Variants in ZNF536 observed in about 807,000 individuals in gnomAD.
ZNF536 encodes the protein zinc finger protein 536.
ZNF536 carries 13 observed loss-of-function variants against 84.5 expected under a neutral mutation model. That is an observed-to-expected ratio of 0.15 (90% CI 0.10 to 0.24). The LOEUF (loss-of-function observed/expected upper bound fraction) is 0.24. ZNF536 is among the 10% of genes least tolerant of loss of function. The probability of loss-of-function intolerance (pLI) is 1.00; values close to 1 mark genes in which losing one functional copy is unlikely to be tolerated. For synonymous variants in ZNF536, 811 were observed against 742.5 expected (o/e 1.09, Z -1.50); for missense variants, 1,536 against 1,747.5 (o/e 0.88, Z 2.16).
At chr19:30,462,368 G>A (rs987705900) in intron 2 of ZNF536, among the ~76,000 whole-genome samples, 8 of 152,032 alleles carry the variant, frequency 5.3e-5, no homozygotes, top group African/African-American at 1.7e-4. Context: ...ATATATTGGT[G>A]GGTGTGCTTG....
chr19:30,651,657 G>T (rs2049711899), intron 1 of ZNF536, among the ~76,000 whole-genome samples: 1 of 152,272 alleles, frequency 6.6e-6, no homozygotes, highest in South Asian at 2.1e-4. Context: ...TTTCTGTAAA[G>T]ATGCCATATT....
At chr19:30,268,950 G>A (rs2025669418) in intron 1 of ZNF536, among the ~76,000 whole-genome samples, 1 of 152,188 alleles carries the variant, frequency 6.6e-6, no homozygotes, top group Non-Finnish European at 1.5e-5. Flanking sequence ...ATGGTTCTAA[G>A]TCAAGTAGTT....
chr19:30,228,994 C>T lies in ZNF536; in HGVS notation c.-190+321C>T, dbSNP rs1195897060. Reference sequence around the variant, plus strand: ...CTTGCCTGGGTCGGGGGCGGGCAGTCGGTCCCAGTGGCCGCCGCTGAGGGC... The same window carrying T: ...CTTGCCTGGGTCGGGGGCGGGCAGTTGGTCCCAGTGGCCGCCGCTGAGGGC... On this transcript the variant is annotated intron_variant, in intron 1 of 5. Transcript: ENST00000585628. This position sits in a 1 kb window ranked among gnomAD's most constrained non-coding sequence, Gnocchi z 4.5. Among the ~76,000 whole-genome samples, 3 of 152,044 alleles carry T rather than the reference C, an allele frequency of 2.0e-5. No individual in the cohort carries two copies. The highest frequency in any genetic ancestry group is 2.9e-5 in the Non-Finnish European group (2 of 67,968).
intron 1 of ZNF536, among the ~76,000 whole-genome samples, chr19:30,607,216 G>T (rs2047932386): frequency 6.6e-6 from 1 of 152,184 alleles, no homozygotes; most frequent in Non-Finnish European, 1.5e-5. Context: ...GTTTATGGCT[G>T]AGTGTGGCTG....
intron 1 of ZNF536, among the ~76,000 whole-genome samples, chr19:30,280,237 C>T (rs1332821824): frequency 6.6e-6 from 1 of 152,088 alleles, no homozygotes. Flanking sequence ...CAGACCCTCT[C>T]TTTCCTCCTG....
intron 1 of ZNF536, among the ~76,000 whole-genome samples, chr19:30,610,750 CAG>C (rs1015059598): frequency 1.1e-4 from 17 of 152,112 alleles, no homozygotes; most frequent in African/African-American, 3.6e-4. Context: ...GTCATTGCTG[CAG>C]AGTGTGTGTG....
rs1229301019 is a variant in ZNF536, at chr19:30,415,250, C to T, written c.-2-28311C>T. On this transcript the variant is annotated intron_variant, in intron 1 of 4. Coordinates refer to ENST00000355537, the MANE Select transcript of ZNF536 (RefSeq NM_014717.3). ...TTCTCCCTCCCCCTCCTCCTCTTCT[C>T]CCTCCCCCTTCTCCTCCTCCTGCTC... Among the ~76,000 whole-genome samples, 4 of 93,060 alleles carry T rather than the reference C, an allele frequency of 4.3e-5. No homozygotes were observed. In the East Asian group the frequency reaches 1.2e-3, roughly 27 times the overall value. The allele number at this position is 93,060 out of a possible 152,430, so 61.1% of individuals were successfully genotyped here.
intron 1 of ZNF536, among the ~76,000 whole-genome samples, chr19:30,383,763 CTTTCTTTCT>C (rs2049154936): frequency 1.2e-5 from 1 of 83,278 alleles, no homozygotes; most frequent in African/African-American, 3.6e-5. Context: ...CTTTCTCTTT[CTTTCTTTCT>C]TTTCTTTCTT....
intron 1 of ZNF536, among the ~76,000 whole-genome samples, chr19:30,380,852 T>C (rs191090882): frequency 0.013 from 1,942 of 152,246 alleles, 25 homozygotes; most frequent in South Asian, 0.046. Context: ...AATTTATTTA[T>C]CTAAATTTAT....
chr19:30,455,195 G>T (rs1187978328), intron 2 of ZNF536, among the ~76,000 whole-genome samples: 1 of 151,902 alleles, frequency 6.6e-6, no homozygotes, highest in Non-Finnish European at 1.5e-5. Context: ...ACATTTAAGA[G>T]ATACAGATAA....
chr19:30,320,462 T>G (rs1364405311), intron 2 of ZNF536, among the ~76,000 whole-genome samples: 2 of 152,192 alleles, frequency 1.3e-5, no homozygotes, highest in East Asian at 1.9e-4. Context: ...TTTGAGCAAA[T>G]TAGACTTCCT....
chr19:30,528,135 G>A (rs912256687), intron 2 of ZNF536, among the ~76,000 whole-genome samples: 4 of 152,204 alleles, frequency 2.6e-5, no homozygotes, highest in East Asian at 1.9e-4. Context: ...CGTAGTAAGC[G>A]CCAGGGTGTT....
At chr19:30,624,778 A>T (rs1451782808) in intron 1 of ZNF536, among the ~76,000 whole-genome samples, 2 of 152,086 alleles carry the variant, frequency 1.3e-5, no homozygotes, top group Non-Finnish European at 2.9e-5. Context: ...AATTCCTATA[A>T]TCTCTACATG....
chr19:30,354,990 C>A (rs991166738), intron 3 of ZNF536, among the ~76,000 whole-genome samples: 1 of 152,194 alleles, frequency 6.6e-6, no homozygotes, highest in African/African-American at 2.4e-5. Flanking sequence ...TTCATCAATG[C>A]CCTCCCGATT....
intron 2 of ZNF536, among the ~76,000 whole-genome samples, chr19:30,287,602 A>ATGGGTGGATGGATGGG (rs1314003922): frequency 8.5e-6 from 1 of 117,398 alleles, no homozygotes; most frequent in Non-Finnish European, 1.7e-5. Flanking sequence ...AGATGGATGG[A>ATGGGTGGATGGATGGG]TGGGTGGATG....
intron 2 of ZNF536, among the ~76,000 whole-genome samples, chr19:30,347,429 C>T (rs2146651322): frequency 6.6e-6 from 1 of 152,300 alleles, no homozygotes; most frequent in South Asian, 2.1e-4. Flanking sequence ...CCACAGGGGG[C>T]CCAGAGCCTG....
At chr19:30,448,540 T>G (rs1287777132) in intron 2 of ZNF536, among the ~76,000 whole-genome samples, 2 of 152,214 alleles carry the variant, frequency 1.3e-5, no homozygotes, top group African/African-American at 4.8e-5. Context: ...TTTTACAAAT[T>G]TCTCAGACTG....
At chr19:30,546,406 T>G (rs1298326061) in intron 3 of ZNF536, among the ~76,000 whole-genome samples, 1 of 152,176 alleles carries the variant, frequency 6.6e-6, no homozygotes, top group Non-Finnish European at 1.5e-5. Flanking sequence ...TCTGAAAAAG[T>G]GTCCAGGAGA....
intron 1 of ZNF536, among the ~76,000 whole-genome samples, chr19:30,600,871 G>A (rs1011622475): frequency 2.6e-5 from 4 of 152,238 alleles, no homozygotes; most frequent in African/African-American, 4.8e-5. Flanking sequence ...TCGAGTGTGG[G>A]CCTCTTGAGA....
Sources: gnomAD v4.1 joint callset for allele counts (sites outside exome capture counted in the v4.1 genomes callset) on GRCh38, gnomAD v4.1.1 for gene constraint, Gnocchi (gnomAD v3.1) non-coding constraint, MANE v1.5 for transcripts, NCBI Gene and HGNC (gene_info 2026-07-23, HGNC 2026-07-21) for gene names.